Variants in ZNF334 observed in about 807,000 individuals in gnomAD.
ZNF334 encodes the protein zinc finger protein 334.
Under a neutral mutation model 12.4 loss-of-function variants are expected in ZNF334, and 14 were observed. The observed-to-expected ratio is 1.13, with a 90% confidence interval of 0.74 to 1.76. The LOEUF (loss-of-function observed/expected upper bound fraction) is 1.76, where lower values mean the gene tolerates loss of function less well. ZNF334 is among the 40% of genes most tolerant of loss of function. The probability of loss-of-function intolerance (pLI) is 0.00; values close to 1 mark genes in which losing one functional copy is unlikely to be tolerated. For synonymous variants in ZNF334, 273 were observed against 269.6 expected (o/e 1.01, Z -0.12); for missense variants, 797 against 804.5 (o/e 0.99, Z 0.11).
chr20:46,497,536 T>C (rs901112778), downstream of ZNF334, among the ~76,000 whole-genome samples: 2 of 152,232 alleles, frequency 1.3e-5, no homozygotes, highest in Non-Finnish European at 2.9e-5. Context: ...AATTTCATTA[T>C]TGACTGACAG....
chr20:46,489,649 C>CAAAAAAAAAAAAAA, the ZNF334 span, among the ~76,000 whole-genome samples: 1 of 90,770 alleles, frequency 1.1e-5, no homozygotes, highest in Admixed American at 1.2e-4. Context: ...CAGACTCTCT[C>CAAAAAAAAAAAAAA]AAAAAAAAAA....
chr20:46,474,867 A>C, the ZNF334 span, among the ~76,000 whole-genome samples: 1 of 152,238 alleles, frequency 6.6e-6, no homozygotes, highest in East Asian at 1.9e-4. Flanking sequence ...CCTTGGTTAA[A>C]TTAGGAGCTA....
At chr20:46,510,834 A>T (rs1249651944) in intron 2 of ZNF334, among the ~76,000 whole-genome samples, 1 of 151,954 alleles carries the variant, frequency 6.6e-6, no homozygotes, top group East Asian at 1.9e-4. Context: ...ACTGATAGGG[A>T]AAAAAGAAGC....
chr20:46,484,801 C>T, the ZNF334 span, among the ~76,000 whole-genome samples: 170 of 152,268 alleles, frequency 1.1e-3, no homozygotes, highest in Non-Finnish European at 1.8e-3. Flanking sequence ...ACACCATTCT[C>T]CAAAACTATA....
Position 46,502,894 on chromosome 20 carries a change from C to T in ZNF334, c.445G>A (p.Val149Ile), listed in dbSNP as rs1772927916. ...GGNSLKTNSE[V>I]IVAKKSKENR... ...TCTTTGCTTTTCTTTGCAACAATTA[C>T]TTCTGAATTAGTTTTCAAACTGTTT... Residue 149 changes from valine to isoleucine, a missense_variant, in exon 5 of 5, where the codon GTA (valine) becomes ATA (isoleucine). Coordinates refer to ENST00000692313, the MANE Select transcript of ZNF334 (RefSeq NM_001353824.2). The T allele has an allele frequency of 6.2e-6, 10 of 1,613,742 alleles. No homozygotes were observed. Among genetic ancestry groups the T allele is most frequent in the East Asian group, 2.2e-5 (1 of 44,846 alleles).
chr20:46,492,852 G>C, the ZNF334 span: 1 of 152,136 alleles, frequency 6.6e-6, no homozygotes, highest in Non-Finnish European at 1.5e-5. Flanking sequence ...CTTTGGCCAA[G>C]GCAGGTGGTT....
rs766225495 is a variant in ZNF334 at position 46,512,123 on chromosome 20, A to G, written c.-21T>C. ...TTCATGTTCTCTTGAGAAAGGGCCA[A>G]GAGTGTTGAAAGCAGAGCTGGGTAA... On this transcript the variant is annotated 5_prime_UTR_variant, in exon 2 of 5. Coordinates refer to ENST00000692313, the MANE Select transcript of ZNF334 (RefSeq NM_001353824.2). The G allele has an allele frequency of 6.2e-6, 10 of 1,613,682 alleles. No individual in the cohort carries two copies. In the Admixed American group the frequency reaches 1.5e-4, roughly 24 times the overall value.
the ZNF334 span, among the ~76,000 whole-genome samples, chr20:46,478,301 T>G: frequency 6.6e-6 from 1 of 152,172 alleles, no homozygotes; most frequent in Non-Finnish European, 1.5e-5. Context: ...ACAAAAAAGA[T>G]GTACACTGGT....
Position 46,502,044 on chromosome 20 carries a change from G to A in ZNF334, c.1295C>T (p.Pro432Leu), listed in dbSNP as rs758610286. 5.0e-6 allele frequency: 8 copies of A among 1,614,044 alleles called. No homozygotes were observed. Among genetic ancestry groups the A allele is most frequent in the Middle Eastern group, 1.6e-4 (1 of 6,062 alleles). ...TTTTCCACATTGACTGCATTCATAG[G>A]GCTTCTCTCCTGTATGACTTCTTCG... ...VHRRSHTGEK[P>L]YECSQCGKFL... Residue 432 changes from proline (P) to leucine (L), a missense_variant, in exon 5 of 5, where the codon CCC becomes CTC. Physicochemically the swap from Pro to Leu is moderately conservative, Grantham distance 98 (BLOSUM62 -3). Coordinates refer to ENST00000692313, the MANE Select transcript of ZNF334 (RefSeq NM_001353824.2).
At position 46,501,624 on chromosome 20, in the gene ZNF334, T is replaced by A; in HGVS notation, c.1715A>T (p.Tyr572Phe). Reference protein sequence around the residue: ...HQRTHTGQRPYECNECGKTFC... With the variant: ...HQRTHTGQRPFECNECGKTFC... Reference sequence around the variant, plus strand: ...GGTTTTCCCACATTCATTACACTCATAGGGTCTCTGTCCTGTGTGTGTTCT... The same window carrying A: ...GGTTTTCCCACATTCATTACACTCAAAGGGTCTCTGTCCTGTGTGTGTTCT... The change falls in exon 5 of 5, where the codon TAT becomes TTT. Residue 572 changes from tyrosine (Y) to phenylalanine (F), a missense_variant. By Grantham distance (22) the Tyr-to-Phe change is conservative. Transcript: ENST00000692313. 1 of 1,614,202 alleles carries A rather than the reference T, an allele frequency of 6.2e-7. No individual in the cohort carries two copies. Among genetic ancestry groups the A allele is most frequent in the East Asian group, 2.2e-5 (1 of 44,882 alleles).
At chr20:46,493,485 T>TTGTCGGGC in the ZNF334 span, among the ~76,000 whole-genome samples, 2 of 152,198 alleles carry the variant, frequency 1.3e-5, no homozygotes, top group African/African-American at 4.8e-5. Context: ...AGATGGTTTC[T>TTGTCGGGC]GCTGTCTTGT....
the ZNF334 span, among the ~76,000 whole-genome samples, chr20:46,472,314 TC>T: frequency 1.3e-5 from 2 of 152,072 alleles, no homozygotes; most frequent in Admixed American, 1.3e-4. Flanking sequence ...CTTATAAAGT[TC>T]CCCATTCTAA....
Position 46,501,745 on chromosome 20 carries a change from G to GGT in ZNF334, c.1592_1593dup (p.Leu532ThrfsTer29). 2 of 1,614,032 alleles carry GGT rather than the reference G, an allele frequency of 1.2e-6. No homozygotes were observed. Among genetic ancestry groups the GGT allele is most frequent in the Non-Finnish European group, 1.7e-6 (2 of 1,179,972 alleles). ...CATATAGTTCTCTGATGTACAATGAGGTGTGAGTTTTTGCTGACGGCATGC... is the reference window on the plus strand; with the variant it reads ...CATATAGTTCTCTGATGTACAATGAGGTGTGTGAGTTTTTGCTGACGGCATGC... On this transcript the variant is annotated frameshift_variant, in exon 5 of 5. Coordinates refer to ENST00000692313, the MANE Select transcript of ZNF334 (RefSeq NM_001353824.2). LOFTEE classifies it low-confidence loss of function (END_TRUNC).
the ZNF334 span, among the ~76,000 whole-genome samples, chr20:46,479,262 G>A: frequency 6.6e-6 from 1 of 151,984 alleles, no homozygotes. Context: ...CCTCTTTTAA[G>A]GACCCTTTTG....
At chr20:46,507,880 T>TA (rs966735012) in intron 2 of ZNF334, among the ~76,000 whole-genome samples, 1 of 152,210 alleles carries the variant, frequency 6.6e-6, no homozygotes, top group South Asian at 2.1e-4. Context: ...TTCCTGAAGA[T>TA]AAAGAGTATC....
chr20:46,494,193 G>A, the ZNF334 span, among the ~76,000 whole-genome samples: 15 of 152,250 alleles, frequency 9.9e-5, no homozygotes, highest in East Asian at 3.9e-4. Flanking sequence ...TATAGAAGTC[G>A]AATTACTTTC....
chr20:46,485,715 G>C, the ZNF334 span: 1 of 151,944 alleles, frequency 6.6e-6, no homozygotes, highest in Non-Finnish European at 1.5e-5. Context: ...GATGAATTTC[G>C]GTCTGGAGTA....
the ZNF334 span, chr20:46,484,503 G>C: frequency 6.0e-6 from 1 of 167,192 alleles, no homozygotes; most frequent in Non-Finnish European, 1.5e-5. Flanking sequence ...CTTCTCACCA[G>C]AAGAGTGGGA....
the ZNF334 span, chr20:46,464,108 A>C: frequency 1.7e-6 from 1 of 592,592 alleles, no homozygotes; most frequent in Non-Finnish European, 3.3e-6. Flanking sequence ...TGGGCCCAGT[A>C]TCTGTTTGCC....
Sources: gnomAD v4.1 joint callset for allele counts (sites outside exome capture counted in the v4.1 genomes callset) on GRCh38, gnomAD v4.1.1 for gene constraint, MANE v1.5 for transcripts, NCBI Gene and HGNC (gene_info 2026-07-23, HGNC 2026-07-21) for gene names.